The following ENTREP3 variants were observed in gnomAD, a reference collection of about 807,000 sequenced individuals.
The protein encoded by ENTREP3 is protein ENTREP3.
the ENTREP3 span, chr1:155,247,493 ACT>A: frequency 1.5e-6 from 1 of 665,362 alleles, no homozygotes. Context: ...AGAAAGAGCC[ACT>A]CTCATTCTGA....
chr1:155,248,471 C>T, the ENTREP3 span: 1 of 1,613,552 alleles, frequency 6.2e-7, no homozygotes, highest in Non-Finnish European at 8.5e-7. Flanking sequence ...TCCCTGAAGT[C>T]AGCTGGGGAG....
At chr1:155,247,630 G>C in the ENTREP3 span, 4 of 784,832 alleles carry the variant, frequency 5.1e-6, no homozygotes, top group Non-Finnish European at 8.9e-6. Context: ...CAAGCAGCAA[G>C]AGACCCCAGA....
the ENTREP3 span, chr1:155,254,364 C>G: frequency 3.7e-6 from 6 of 1,610,628 alleles, no homozygotes; most frequent in Non-Finnish European, 4.2e-6. This position sits in a 1 kb window ranked among gnomAD's most constrained non-coding sequence, Gnocchi z 4.4. Context: ...GTGCTGGGCA[C>G]CTGCCTCCCA....
chr1:155,252,137 A>G, the ENTREP3 span: 1 of 442,212 alleles, frequency 2.3e-6, no homozygotes, highest in Admixed American at 4.4e-5. Flanking sequence ...CCCCACCTCC[A>G]TCCAGAAGCT....
At chr1:155,254,468 G>A in the ENTREP3 span, 5 of 1,614,168 alleles carry the variant, frequency 3.1e-6, no homozygotes, top group Non-Finnish European at 4.2e-6. This position sits in a 1 kb window ranked among gnomAD's most constrained non-coding sequence, Gnocchi z 4.4. Flanking sequence ...TGGGGACAGA[G>A]TGGGCACAGG....
the ENTREP3 span, chr1:155,254,008 T>G: frequency 1.2e-6 from 2 of 1,612,504 alleles, no homozygotes; most frequent in Non-Finnish European, 1.7e-6. This position sits in a 1 kb window ranked among gnomAD's most constrained non-coding sequence, Gnocchi z 4.4. Flanking sequence ...TGAGGCAGCC[T>G]GAGTCAGGAC....
At chr1:155,251,104 TG>T in the ENTREP3 span, 1 of 1,612,518 alleles carries the variant, frequency 6.2e-7, no homozygotes, top group African/African-American at 1.3e-5. Flanking sequence ...CCGTCTACAA[TG>T]GAGGCCACTC....
the ENTREP3 span, chr1:155,251,865 A>T: frequency 6.6e-7 from 1 of 1,509,796 alleles, no homozygotes; most frequent in Non-Finnish European, 8.8e-7. Context: ...CGTGCAGCCC[A>T]GAGGTCCCAG....
the ENTREP3 span, chr1:155,252,106 C>T: frequency 2.2e-6 from 1 of 456,050 alleles, no homozygotes; most frequent in Non-Finnish European, 3.8e-6. Flanking sequence ...GCCCTGCCCA[C>T]CCACAAATTC....
At chr1:155,248,534 C>A in the ENTREP3 span, 1 of 1,483,492 alleles carries the variant, frequency 6.7e-7, no homozygotes, top group Admixed American at 1.7e-5. Flanking sequence ...GACACGCCCA[C>A]CCTCCTGTGG....
At chr1:155,251,824 T>C in the ENTREP3 span, 1 of 1,572,726 alleles carries the variant, frequency 6.4e-7, no homozygotes, top group Non-Finnish European at 8.6e-7. Context: ...AGGTCCAGCA[T>C]GGTGTGTAGG....
chr1:155,247,755 T>A, the ENTREP3 span: 2 of 1,458,000 alleles, frequency 1.4e-6, no homozygotes, highest in Non-Finnish European at 9.1e-7. Context: ...TGTGGCTGGA[T>A]GTGTTCAGTG....
the ENTREP3 span, chr1:155,254,010 A>G: frequency 6.2e-7 from 1 of 1,612,892 alleles, no homozygotes; most frequent in Non-Finnish European, 8.5e-7. The surrounding 1 kb of genome is among the most constrained non-coding windows in gnomAD (Gnocchi z 4.4). Context: ...AGGCAGCCTG[A>G]GTCAGGACAA....
At chr1:155,247,804 C>G in the ENTREP3 span, 1 of 1,465,932 alleles carries the variant, frequency 6.8e-7, no homozygotes, top group Admixed American at 2.7e-5. Flanking sequence ...CTCCCGGCTG[C>G]CCCCGTTGAG....
chr1:155,254,949 G>A, the ENTREP3 span: 4 of 1,247,154 alleles, frequency 3.2e-6, no homozygotes, highest in Admixed American at 4.0e-5. This position sits in a 1 kb window ranked among gnomAD's most constrained non-coding sequence, Gnocchi z 4.4. Flanking sequence ...GGCGCCCAAG[G>A]CCCCGTCCTT....
chr1:155,251,018 C>T, the ENTREP3 span: 1 of 1,425,984 alleles, frequency 7.0e-7, no homozygotes, highest in South Asian at 1.2e-5. Flanking sequence ...CCTTGTTTTC[C>T]CCTTCTATTG....
At chr1:155,250,244 C>T in the ENTREP3 span, 2 of 1,535,310 alleles carry the variant, frequency 1.3e-6, no homozygotes, top group Non-Finnish European at 1.8e-6. This position sits in a 1 kb window ranked among gnomAD's most constrained non-coding sequence, Gnocchi z 5.4. Context: ...CCTACCCTCT[C>T]CTGAGCCTGG....
chr1:155,251,670 C>A, the ENTREP3 span: 1 of 1,605,860 alleles, frequency 6.2e-7, no homozygotes, highest in Non-Finnish European at 8.5e-7. Context: ...CTCTCTCCAG[C>A]AATCCAGGCC....
At chr1:155,249,598 G>C in the ENTREP3 span, among the ~76,000 whole-genome samples, 1 of 151,594 alleles carries the variant, frequency 6.6e-6, no homozygotes, top group African/African-American at 2.4e-5. Flanking sequence ...TACAAAAATT[G>C]CCCGGGCACG....
Sources: gnomAD v4.1 joint callset for allele counts (sites outside exome capture counted in the v4.1 genomes callset) on GRCh38, gnomAD v4.1.1 for gene constraint, Gnocchi (gnomAD v3.1) non-coding constraint, MANE v1.5 for transcripts, NCBI Gene and HGNC (gene_info 2026-07-23, HGNC 2026-07-21) for gene names.